Variants in NKAIN2 observed in about 807,000 individuals in gnomAD.
NKAIN2 encodes sodium/potassium transporting ATPase interacting 2.
NKAIN2 carries 14 observed loss-of-function variants against 32.6 expected under a neutral mutation model. The ratio of observed to expected loss-of-function variants is 0.43; its 90% CI spans 0.28 to 0.67. NKAIN2 has a LOEUF of 0.67. Among genes scored for constraint, NKAIN2 ranks in the 30% least tolerant of loss-of-function variants. The probability of loss-of-function intolerance (pLI) is 0.17; values close to 1 mark genes in which losing one functional copy is unlikely to be tolerated. For synonymous variants in NKAIN2, 80 were observed against 87.2 expected (o/e 0.92, Z 0.46); for missense variants, 198 against 258.3 (o/e 0.77, Z 1.60).
chr6:123,965,839 T>C (rs898616120), intron 1 of NKAIN2, among the ~76,000 whole-genome samples: 7 of 152,236 alleles, frequency 4.6e-5, no homozygotes, highest in African/African-American at 1.7e-4. Context: ...GAATCTATTC[T>C]TAAATTCTGT....
intron 3 of NKAIN2, among the ~76,000 whole-genome samples, chr6:124,411,640 G>A (rs1340447028): frequency 6.6e-6 from 1 of 152,204 alleles, no homozygotes; most frequent in Non-Finnish European, 1.5e-5. Flanking sequence ...CAACTTTGGT[G>A]AATCTGACAA....
chr6:124,365,606 A>G (rs1055637671), intron 3 of NKAIN2, among the ~76,000 whole-genome samples: 8 of 151,946 alleles, frequency 5.3e-5, no homozygotes, highest in Non-Finnish European at 8.8e-5. Context: ...CTTTTACATT[A>G]CTCTCTGGAT....
chr6:123,948,729 ATTGT>A (rs997057911), intron 1 of NKAIN2, among the ~76,000 whole-genome samples: 9 of 144,410 alleles, frequency 6.2e-5, no homozygotes, highest in African/African-American at 2.3e-4. Flanking sequence ...TTCTCTGTTG[ATTGT>A]TTGCTCTGCT....
In NKAIN2 at chr6:123,804,091, C is replaced by T. The variant is rs1032090876; in HGVS notation, c.-110C>T. 4.9e-5 allele frequency: 48 copies of T among 979,158 alleles called. No homozygotes were observed. Among genetic ancestry groups the T allele is most frequent in the Non-Finnish European group, 7.3e-5 (44 of 603,444 alleles). The allele number at this position is 979,158 out of a possible 1,614,324, so 60.7% of individuals were successfully genotyped here. The stretch of plus-strand genomic sequence containing the variant: ...GGCAGCAGCAGCAGCCCGGAGCCCC[C>T]GAGCCCTCGGCAGGTTTGCGTGTCC... On this transcript the variant is annotated 5_prime_UTR_variant, in exon 1 of 7. Coordinates refer to ENST00000368417, the MANE Select transcript of NKAIN2 (RefSeq NM_001040214.3).
At chr6:124,577,845 T>G (rs375681959) in intron 3 of NKAIN2, among the ~76,000 whole-genome samples, 1 of 152,270 alleles carries the variant, frequency 6.6e-6, no homozygotes, top group South Asian at 2.1e-4. Flanking sequence ...AAGAGGACTT[T>G]ATCTTGCAAC....
chr6:124,547,953 A>G (rs915596843), intron 3 of NKAIN2, among the ~76,000 whole-genome samples: 34 of 152,150 alleles, frequency 2.2e-4, no homozygotes, highest in Admixed American at 2.2e-3. Context: ...CAAAATAATG[A>G]ATTTTGTTTC....
At chr6:123,950,764 T>C (rs775409806) in intron 1 of NKAIN2, among the ~76,000 whole-genome samples, 1 of 151,924 alleles carries the variant, frequency 6.6e-6, no homozygotes, top group Non-Finnish European at 1.5e-5. Flanking sequence ...TGTTCCTTTG[T>C]GTTGTTTTTT....
At chr6:124,666,266 TAG>T (rs375611762) in intron 4 of NKAIN2, among the ~76,000 whole-genome samples, 127 of 152,150 alleles carry the variant, frequency 8.3e-4, no homozygotes, top group African/African-American at 3.0e-3. Context: ...CCAATGTAAA[TAG>T]AGAGTTTTCC....
intron 1 of NKAIN2, among the ~76,000 whole-genome samples, chr6:123,976,229 G>T (rs909506343): frequency 7.3e-6 from 1 of 136,412 alleles, no homozygotes; most frequent in African/African-American, 2.7e-5. Flanking sequence ...AGACACAAAC[G>T]TCCAGACAAT....
chr6:124,422,051 G>A (rs1259718702), intron 3 of NKAIN2, among the ~76,000 whole-genome samples: 1 of 151,992 alleles, frequency 6.6e-6, no homozygotes, highest in Non-Finnish European at 1.5e-5. Flanking sequence ...GAAGCAAGAT[G>A]CAAATGAAAT....
chr6:123,969,445 T>G (rs1778239049), intron 1 of NKAIN2, among the ~76,000 whole-genome samples: 1 of 152,166 alleles, frequency 6.6e-6, no homozygotes, highest in Non-Finnish European at 1.5e-5. Context: ...TAATAGAGGT[T>G]GATTTTTCTC....
intron 1 of NKAIN2, among the ~76,000 whole-genome samples, chr6:124,117,168 G>A (rs1283117506): frequency 1.3e-5 from 2 of 151,770 alleles, no homozygotes; most frequent in Non-Finnish European, 2.9e-5. Flanking sequence ...TTCAATTTTG[G>A]TTAAGGTAGA....
intron 1 of NKAIN2, among the ~76,000 whole-genome samples, chr6:124,186,234 GAGAA>G (rs1789732493): frequency 6.6e-6 from 1 of 150,520 alleles, no homozygotes; most frequent in Non-Finnish European, 1.5e-5. Context: ...AGGAAAGAGA[GAGAA>G]AGGAAAGAAA....
At position 123,966,878 on chromosome 6, in the gene NKAIN2, C is replaced by A. The variant is rs1778103937; in HGVS notation, c.54+162624C>A. Reference sequence around the variant, plus strand: ...TCACTGAAAATCACAGACATGGTTCCAGCTCTCATGACATTTCCAATCTAA... The same window carrying A: ...TCACTGAAAATCACAGACATGGTTCAAGCTCTCATGACATTTCCAATCTAA... On this transcript the variant is annotated intron_variant, in intron 1 of 6. Transcript: ENST00000368417. Among the ~76,000 whole-genome samples the A allele has an allele frequency of 1.3e-5, 2 of 152,132 alleles. 1 individual carries two copies. The highest frequency in any genetic ancestry group is 4.1e-4 in the South Asian group (2 of 4,830).
At chr6:124,684,629 T>C (rs906273709) in intron 4 of NKAIN2, among the ~76,000 whole-genome samples, 5 of 151,928 alleles carry the variant, frequency 3.3e-5, no homozygotes, top group African/African-American at 1.2e-4. Context: ...TTGTAATGGG[T>C]TTCTTCTAGC....
chr6:124,770,476 C>A (rs1463241235), intron 4 of NKAIN2, among the ~76,000 whole-genome samples: 1 of 152,268 alleles, frequency 6.6e-6, no homozygotes, highest in East Asian at 1.9e-4. Flanking sequence ...TCCATTTCCC[C>A]AGAGAATTGG....
At chr6:124,409,396 A>T (rs936194645) in intron 3 of NKAIN2, among the ~76,000 whole-genome samples, 1 of 152,114 alleles carries the variant, frequency 6.6e-6, no homozygotes, top group Non-Finnish European at 1.5e-5. Flanking sequence ...GAGAGTTTTT[A>T]GCATGAAGGG....
At chr6:124,318,715 G>A (rs9491118) in intron 2 of NKAIN2, among the ~76,000 whole-genome samples, 18,850 of 151,940 alleles carry the variant, frequency 0.12, 1,392 homozygotes, top group East Asian at 0.23. Context: ...CTGACACTAA[G>A]ATGACAGAAT....
chr6:123,877,077 T>G (rs1250312086), intron 1 of NKAIN2, among the ~76,000 whole-genome samples: 1 of 152,180 alleles, frequency 6.6e-6, no homozygotes, highest in African/African-American at 2.4e-5. Flanking sequence ...TTCTAGAAAA[T>G]TATAATAACA....
Sources: gnomAD v4.1 joint callset for allele counts (sites outside exome capture counted in the v4.1 genomes callset) on GRCh38, gnomAD v4.1.1 for gene constraint, MANE v1.5 for transcripts, NCBI Gene and HGNC (gene_info 2026-07-23, HGNC 2026-07-21) for gene names.